The following RNF13 variants were observed in gnomAD, a reference collection of about 807,000 sequenced individuals.
RNF13 encodes the protein ring finger protein 13.
Under a neutral mutation model 37.7 loss-of-function variants are expected in RNF13, and 19 were observed. The ratio of observed to expected loss-of-function variants is 0.50; its 90% CI spans 0.35 to 0.74. RNF13 has a LOEUF of 0.74. RNF13 is among the 30% of genes least tolerant of loss of function. The pLI, the probability that RNF13 is intolerant of heterozygous loss-of-function variation, is 0.01. For missense variants in RNF13, 375 were observed against 453.0 expected, an observed-to-expected ratio of 0.83 and a Z score of 1.56; for synonymous variants, 144 against 157.8, an observed-to-expected ratio of 0.91 and a Z score of 0.65.
chr3:149,831,921 C>CATATAT (rs1288550775), intron 1 of RNF13, among the ~76,000 whole-genome samples: 25 of 151,926 alleles, frequency 1.6e-4, no homozygotes, highest in East Asian at 5.8e-4. Context: ...TTTATAGTGC[C>CATATAT]ATATATATGT....
chr3:149,846,881 G>C (rs962184369), intron 2 of RNF13, among the ~76,000 whole-genome samples: 1 of 152,284 alleles, frequency 6.6e-6, no homozygotes, highest in African/African-American at 2.4e-5. Context: ...TAGCATTAAT[G>C]AATCAGAAGA....
intron 6 of RNF13, among the ~76,000 whole-genome samples, chr3:149,905,717 A>G (rs766331190): frequency 3.9e-5 from 6 of 152,012 alleles, no homozygotes; most frequent in Non-Finnish European, 7.4e-5. Flanking sequence ...TTTATCCTAT[A>G]TATAGCTTGA....
intron 8 of RNF13, among the ~76,000 whole-genome samples, chr3:149,929,692 G>A (rs948951878): frequency 6.6e-6 from 1 of 152,084 alleles, no homozygotes; most frequent in African/African-American, 2.4e-5. Context: ...TTTAATAAAT[G>A]CCCTTTATCA....
At chr3:149,813,107 T>G (rs1380676124), upstream of RNF13, 7 of 152,214 alleles carry the variant, frequency 4.6e-5, no homozygotes, top group African/African-American at 1.7e-4. Flanking sequence ...GTAGCGAGAC[T>G]CCGCGTGAGA....
At chr3:149,837,565 G>A (rs1249442450) in intron 1 of RNF13, among the ~76,000 whole-genome samples, 1 of 152,184 alleles carries the variant, frequency 6.6e-6, no homozygotes, top group Non-Finnish European at 1.5e-5. Flanking sequence ...GTCTCACATG[G>A]TGGCAGACAA....
intron 1 of RNF13, among the ~76,000 whole-genome samples, chr3:149,820,754 A>G (rs1203363136): frequency 6.6e-6 from 1 of 152,188 alleles, no homozygotes; most frequent in Non-Finnish European, 1.5e-5. Flanking sequence ...GTCTAGTTTC[A>G]AAACATTTTT....
intron 8 of RNF13, among the ~76,000 whole-genome samples, chr3:149,954,624 CTTTCCTA>C (rs915700034): frequency 3.9e-5 from 6 of 152,164 alleles, no homozygotes; most frequent in African/African-American, 1.4e-4. Context: ...TATCTGTAAA[CTTTCCTA>C]TTTACCACAC....
intron 8 of RNF13, among the ~76,000 whole-genome samples, chr3:149,944,004 T>G (rs1316457913): frequency 2.6e-5 from 4 of 152,066 alleles, no homozygotes; most frequent in Non-Finnish European, 2.9e-5. Flanking sequence ...ATGTTCCCCT[T>G]CCTACGTCCC....
At chr3:149,906,205 C>A (rs942938113) in intron 6 of RNF13, among the ~76,000 whole-genome samples, 25 of 152,018 alleles carry the variant, frequency 1.6e-4, no homozygotes, top group Middle Eastern at 6.8e-3. Flanking sequence ...TATGGATATA[C>A]CATGTTTTGT....
intron 1 of RNF13, among the ~76,000 whole-genome samples, chr3:149,829,903 G>A (rs1159994316): frequency 3.3e-5 from 5 of 152,164 alleles, no homozygotes; most frequent in African/African-American, 1.2e-4. Context: ...CTGTTCTCGT[G>A]ATAGTGAGTA....
At chr3:149,928,888 T>C (rs970418181) in intron 8 of RNF13, among the ~76,000 whole-genome samples, 1 of 152,194 alleles carries the variant, frequency 6.6e-6, no homozygotes, top group African/African-American at 2.4e-5. Context: ...TATAAGTCTT[T>C]CATCTCCTTA....
At chr3:149,943,308 C>G (rs55724087) in intron 8 of RNF13, among the ~76,000 whole-genome samples, 4,040 of 151,830 alleles carry the variant, frequency 0.027, 69 homozygotes, top group South Asian at 0.036. Flanking sequence ...ATCCCAATAT[C>G]CCCTGCCCTC....
At chr3:149,901,093 A>G (rs1715784572) in intron 5 of RNF13, among the ~76,000 whole-genome samples, 1 of 152,174 alleles carries the variant, frequency 6.6e-6, no homozygotes, top group Non-Finnish European at 1.5e-5. Context: ...TTGTGGTTAT[A>G]ATTGTATGTA....
intron 4 of RNF13, among the ~76,000 whole-genome samples, chr3:149,892,118 G>A (rs183501237): frequency 2.0e-5 from 3 of 152,188 alleles, no homozygotes; most frequent in Non-Finnish European, 4.4e-5. Flanking sequence ...TCTATTTTTT[G>A]GAGATCACAC....
intron 4 of RNF13, among the ~76,000 whole-genome samples, chr3:149,877,472 C>CTTTTTTTTTTTTTTTTTTTTTGTTTTTT (rs369676407): frequency 9.9e-6 from 1 of 101,488 alleles, no homozygotes; most frequent in African/African-American, 3.8e-5. Context: ...TTCTTTCTGT[C>CTTTTTTTTTTTTTTTTTTTTTGTTTTTT]TTTTTTTTTT....
At chr3:149,902,440 G>C (rs2108502890) in intron 6 of RNF13, among the ~76,000 whole-genome samples, 1 of 151,944 alleles carries the variant, frequency 6.6e-6, no homozygotes, top group South Asian at 2.1e-4. Context: ...CAAACTACTG[G>C]TATTTTAAAA....
chr3:149,819,791 G>T (rs1048716842), intron 1 of RNF13, among the ~76,000 whole-genome samples: 7 of 152,200 alleles, frequency 4.6e-5, no homozygotes, highest in Non-Finnish European at 8.8e-5. Context: ...GGAATTTTAT[G>T]CAGGCAGTAA....
At chr3:149,949,217 A>C (rs1188794373) in intron 8 of RNF13, among the ~76,000 whole-genome samples, 1 of 152,118 alleles carries the variant, frequency 6.6e-6, no homozygotes, top group Admixed American at 6.6e-5. Context: ...TTTCCTATAG[A>C]ATAAGTCTAG....
intron 8 of RNF13, chr3:149,939,683 C>T (rs780704884): frequency 1.3e-6 from 1 of 788,314 alleles, no homozygotes; most frequent in Non-Finnish European, 2.1e-6. Flanking sequence ...AACTGGTGCT[C>T]ATTTTCATCA....
Sources: gnomAD v4.1 joint callset for allele counts (sites outside exome capture counted in the v4.1 genomes callset) on GRCh38, gnomAD v4.1.1 for gene constraint, MANE v1.5 for transcripts, NCBI Gene and HGNC (gene_info 2026-07-23, HGNC 2026-07-21) for gene names.